The following TWIST2 variants were observed in gnomAD, a reference collection of about 807,000 sequenced individuals.
The protein encoded by TWIST2 is twist family bHLH transcription factor 2, also known as twist-related protein 2.
TWIST2 carries 1 observed loss-of-function variant against 11.6 expected under a neutral mutation model. The ratio of observed to expected loss-of-function variants is 0.09; its 90% CI spans 0.03 to 0.41. TWIST2 has a LOEUF of 0.41. Among genes scored for constraint, TWIST2 ranks in the 10% least tolerant of loss-of-function variants. TWIST2 has a pLI of 0.98. For missense variants in TWIST2, 168 were observed against 226.4 expected (o/e 0.74, Z 1.66); for synonymous variants, 87 against 96.6 (o/e 0.90, Z 0.58).
At chr2:238,891,566 C>T (rs1693134733) in intron 1 of TWIST2, among the ~76,000 whole-genome samples, 1 of 152,266 alleles carries the variant, frequency 6.6e-6, no homozygotes, top group Non-Finnish European at 1.5e-5. Flanking sequence ...TGGCAAACGT[C>T]CTTCCCCTGG....
At chr2:238,890,720 C>T (rs556548763) in intron 1 of TWIST2, among the ~76,000 whole-genome samples, 4 of 152,238 alleles carry the variant, frequency 2.6e-5, no homozygotes, top group East Asian at 1.9e-4. Context: ...TGAGTAATCA[C>T]GACTATATTT....
intron 1 of TWIST2, 27 bp downstream of exon 1, chr2:238,848,760 C>T: frequency 7.5e-7 from 1 of 1,329,660 alleles, no homozygotes; most frequent in Non-Finnish European, 9.5e-7. Flanking sequence ...CGACGGGCGC[C>T]CTCCGCTGCG....
At chr2:238,908,237 TC>T (rs1485121447) in intron 1 of TWIST2, among the ~76,000 whole-genome samples, 2 of 104,876 alleles carry the variant, frequency 1.9e-5, no homozygotes, top group South Asian at 3.2e-4. Context: ...CAAAATACAA[TC>T]CCCCAAACAC....
intron 1 of TWIST2, among the ~76,000 whole-genome samples, chr2:238,907,430 C>G (rs1428693145): frequency 1.3e-5 from 2 of 152,180 alleles, no homozygotes; most frequent in South Asian, 2.1e-4. Flanking sequence ...GTCTCCTCCC[C>G]CTGCAGGTGG....
intron 1 of TWIST2, among the ~76,000 whole-genome samples, chr2:238,855,069 T>C (rs1301014849): frequency 2.0e-5 from 3 of 152,202 alleles, no homozygotes; most frequent in African/African-American, 7.2e-5. Context: ...ACTCAGACTT[T>C]TAGCTCGGCG....
chr2:238,895,069 C>A (rs1201440933), intron 1 of TWIST2, among the ~76,000 whole-genome samples: 1 of 152,208 alleles, frequency 6.6e-6, no homozygotes, highest in Non-Finnish European at 1.5e-5. Flanking sequence ...CACCGGCAGC[C>A]CTTCTGTCCA....
At chr2:238,868,796 G>A (rs1559272681) in intron 1 of TWIST2, among the ~76,000 whole-genome samples, 1 of 152,244 alleles carries the variant, frequency 6.6e-6, no homozygotes, top group Admixed American at 6.5e-5. Flanking sequence ...GTAGGGCCGG[G>A]ACACAAGCCC....
At position 238,867,969 on chromosome 2, in the gene TWIST2, C is replaced by T. The variant is rs1445374696; in HGVS notation, c.*35+19236C>T. ...GGAAGGCATGAGAGGGGCCACCCTC[C>T]TGCATGTAGTGAGGCTCGGGAAACG... On this transcript the variant is annotated intron_variant, in intron 1 of 1. Coordinates refer to ENST00000612363, the MANE Select transcript of TWIST2 (RefSeq NM_001271893.4). This position sits in a 1 kb window ranked among gnomAD's most constrained non-coding sequence, Gnocchi z 4.8. 1.3e-5 allele frequency among the ~76,000 whole-genome samples: 2 copies of T among 152,182 alleles called. No individual in the cohort carries two copies. Among genetic ancestry groups the T allele is most frequent in the African/African-American group, 2.4e-5 (1 of 41,436 alleles).
chr2:238,849,954 A>G (rs1469012640), intron 1 of TWIST2, among the ~76,000 whole-genome samples: 1 of 152,072 alleles, frequency 6.6e-6, no homozygotes, highest in African/African-American at 2.4e-5. Context: ...TTTATAAAAG[A>G]CTCTACTTCA....
chr2:238,902,964 A>ATGTGTGTGTGG (rs1218202683), intron 1 of TWIST2, among the ~76,000 whole-genome samples: 1 of 10,416 alleles, frequency 9.6e-5, no homozygotes, highest in Admixed American at 1.5e-3. Flanking sequence ...GGTGTGTGTG[A>ATGTGTGTGTGG]TGTGTGTGTG....
rs1249031966 is a variant in TWIST2, at chr2:238,848,304, G to C, written c.89G>C (p.Gly30Ala). 6.5e-7 allele frequency: 1 copy of C among 1,533,588 alleles called. No individual in the cohort carries two copies. The highest frequency in any genetic ancestry group is 1.4e-5 in the African/African-American group (1 of 72,962). 95.0% of individuals were successfully genotyped at this position (1,533,588 alleles called of 1,614,324 possible). A position where few individuals can be genotyped will look rare whatever the true frequency, so the allele number is the denominator to read the frequency against. Residue 30 changes from glycine (G) to alanine (A), a missense_variant, in exon 1 of 2, where the codon GGC (glycine) becomes GCC (alanine). Coordinates refer to ENST00000612363, the MANE Select transcript of TWIST2 (RefSeq NM_001271893.4). The part of the protein sequence containing the change: ...EELERQPKRF[G>A]RKRRYSKKSS... ...CTCGAGAGGCAGCCCAAGCGCTTCG[G>C]CCGGAAGCGGCGCTACAGCAAGAAG...
At chr2:238,885,300 T>C (rs1693013729) in intron 1 of TWIST2, among the ~76,000 whole-genome samples, 1 of 152,254 alleles carries the variant, frequency 6.6e-6, no homozygotes, top group Non-Finnish European at 1.5e-5. Flanking sequence ...ACACAGTACC[T>C]GGCCAAAGCC....
chr2:238,884,126 G>T (rs1692989728), intron 1 of TWIST2, among the ~76,000 whole-genome samples: 1 of 152,204 alleles, frequency 6.6e-6, no homozygotes, highest in African/African-American at 2.4e-5. Context: ...TGCCTACTCA[G>T]CTGAACATCT....
chr2:238,891,744 C>A (rs139952221), intron 1 of TWIST2, among the ~76,000 whole-genome samples: 100 of 152,290 alleles, frequency 6.6e-4, no homozygotes, highest in Admixed American at 2.1e-3. Flanking sequence ...AAGGCAGAGG[C>A]GTGCACATTT....
intron 1 of TWIST2, among the ~76,000 whole-genome samples, chr2:238,881,403 G>A (rs1692926689): frequency 6.7e-6 from 1 of 149,192 alleles, no homozygotes; most frequent in African/African-American, 2.6e-5. Context: ...ATTTATTAGT[G>A]TCAGTGTCAG....
chr2:238,899,566 C>G (rs1000992051), intron 1 of TWIST2, among the ~76,000 whole-genome samples: 1 of 152,284 alleles, frequency 6.6e-6, no homozygotes, highest in African/African-American at 2.4e-5. Context: ...CTCCAGGGCC[C>G]GTCTCAGGGA....
chr2:238,893,923 T>A (rs1056889583), intron 1 of TWIST2, among the ~76,000 whole-genome samples: 159 of 152,122 alleles, frequency 1.0e-3, no homozygotes, highest in African/African-American at 3.8e-3. Context: ...TCTCCAGCCC[T>A]CCCTTGACAC....
In TWIST2 at chr2:238,867,727, T is replaced by C. The variant is rs954038964; in HGVS notation, c.*35+18994T>C. 6.6e-6 allele frequency among the ~76,000 whole-genome samples: 1 copy of C among 152,158 alleles called. No homozygotes were observed. Among genetic ancestry groups the C allele is most frequent in the Non-Finnish European group, 1.5e-5 (1 of 67,998 alleles). On this transcript the variant is annotated intron_variant, in intron 1 of 1. Transcript: ENST00000612363. This position sits in a 1 kb window ranked among gnomAD's most constrained non-coding sequence, Gnocchi z 4.8. ...CCTTAGGTATTGAGTGCCCTGAAAC[T>C]AGAAACTGAAAAGGCAGTCACATCC...
rs936564267 is a variant in TWIST2 at position 238,900,619 on chromosome 2, G to A, written c.*36-9223G>A. Among the ~76,000 whole-genome samples the A allele has an allele frequency of 3.3e-5, 5 of 152,282 alleles. No homozygotes were observed. The South Asian group carries it at 6.2e-4, about 19-fold the overall frequency. ...ATTCTGCAGCTGCATTGCTTCTCTC[G>A]CTCTCCCGCATGGTCCCTGGACTCG... is the stretch of plus-strand genomic sequence containing the variant. On this transcript the variant is annotated intron_variant, in intron 1 of 1. Coordinates refer to ENST00000612363, the MANE Select transcript of TWIST2 (RefSeq NM_001271893.4).
Sources: allele counts gnomAD v4.1 joint callset (sites outside exome capture counted in the v4.1 genomes callset), GRCh38; gene constraint gnomAD v4.1.1; non-coding constraint Gnocchi (gnomAD v3.1); transcripts MANE v1.5; gene names NCBI Gene and HGNC (gene_info 2026-07-23, HGNC 2026-07-21).